Variants in RIMBP2 observed in about 807,000 individuals in gnomAD.
RIMBP2 encodes RIMS binding protein 2.
RIMBP2 carries 48 observed loss-of-function variants against 118.6 expected under a neutral mutation model. The observed-to-expected ratio is 0.40, with a 90% CI of 0.32 to 0.51. The LOEUF (loss-of-function observed/expected upper bound fraction) is 0.51. Ranked by LOEUF, RIMBP2 falls within the 20% of genes least tolerant of loss-of-function variation. RIMBP2 has a pLI of 0.41. For missense variants in RIMBP2, 1,551 were observed against 1,768.3 expected (o/e 0.88, Z 2.20); for synonymous variants, 762 against 742.9 (o/e 1.03, Z -0.42).
At chr12:130,536,892 G>C (rs10848140) in intron 2 of RIMBP2, among the ~76,000 whole-genome samples, 16,341 of 152,122 alleles carry the variant, frequency 0.11, 968 homozygotes, top group East Asian at 0.2. Flanking sequence ...GCATGATGGG[G>C]AGGACACTTC....
chr12:130,662,693 C>T lies in RIMBP2; in HGVS notation c.-351-34237G>A, dbSNP rs140433019. On this transcript the variant is annotated intron_variant, in intron 1 of 22. Coordinates refer to ENST00000690449, the MANE Select transcript of RIMBP2 (RefSeq NM_001393629.1). ...TGGATAGGCTGGGCACAGTAGCTCA[C>T]ACCTGTAATCCCAGCACTTTAAGAG... Among the ~76,000 whole-genome samples, 62 of 151,994 alleles carry T rather than the reference C, an allele frequency of 4.1e-4. 1 individual carries two copies. The East Asian group carries it at 0.012, about 29-fold the overall frequency.
At position 130,523,247 on chromosome 12, in the gene RIMBP2, C is replaced by T. The variant is rs767917080; in HGVS notation, c.-216-5330G>A. Among the ~76,000 whole-genome samples the T allele has an allele frequency of 2.0e-5, 3 of 152,192 alleles. No homozygotes were observed. The highest frequency in any genetic ancestry group is 4.4e-5 in the Non-Finnish European group (3 of 68,034). Reference sequence around the variant, plus strand: ...TCCATCTCTCTCTGTCCCCTACCCACTACCTGGCCGTGTGAGGACACAGTG... The same window carrying T: ...TCCATCTCTCTCTGTCCCCTACCCATTACCTGGCCGTGTGAGGACACAGTG... On this transcript the variant is annotated intron_variant, in intron 2 of 22. Coordinates refer to ENST00000690449, the MANE Select transcript of RIMBP2 (RefSeq NM_001393629.1). This position sits in a 1 kb window ranked among gnomAD's most constrained non-coding sequence, Gnocchi z 4.4.
chr12:130,691,903 C>G (rs996571099), intron 1 of RIMBP2, among the ~76,000 whole-genome samples: 4 of 152,042 alleles, frequency 2.6e-5, no homozygotes, highest in Non-Finnish European at 4.4e-5. Flanking sequence ...GTGGTTAGAG[C>G]GGGTCTGGAA....
chr12:130,576,296 A>C lies in RIMBP2; in HGVS notation c.-217+52026T>G, dbSNP rs2058081100. Among the ~76,000 whole-genome samples, 1 of 152,176 alleles carries C rather than the reference A, an allele frequency of 6.6e-6. No individual in the cohort carries two copies. The highest frequency in any genetic ancestry group is 1.5e-5 in the Non-Finnish European group (1 of 68,028). ...ACTACAAACAGGAACGGAGAGTTTC[A>C]TGACCATAGACATGGGCATTTGCTT... On this transcript the variant is annotated intron_variant, in intron 2 of 22. Transcript: ENST00000690449. This position sits in a 1 kb window ranked among gnomAD's most constrained non-coding sequence, Gnocchi z 4.2.
At chr12:130,642,319 T>C (rs1008268809) in intron 1 of RIMBP2, among the ~76,000 whole-genome samples, 3 of 152,098 alleles carry the variant, frequency 2.0e-5, no homozygotes, top group Non-Finnish European at 2.9e-5. Context: ...AGTTTTGCTC[T>C]CATCACCCAG....
chr12:130,506,724 G>T lies in RIMBP2; in HGVS notation c.-80C>A, dbSNP rs2050392852. 1 of 985,620 alleles carries T rather than the reference G, an allele frequency of 1.0e-6. No individual in the cohort carries two copies. Among genetic ancestry groups the T allele is most frequent in the Non-Finnish European group, 1.2e-6 (1 of 829,962 alleles). 61.1% of individuals were successfully genotyped at this position (985,620 alleles called of 1,614,324 possible). Reference sequence around the variant, plus strand: ...CTTCACGGCCAAATCGCGCTCTCTGGTCACGAGGGTGAGCGGATGGTTGAG... The same window carrying T: ...CTTCACGGCCAAATCGCGCTCTCTGTTCACGAGGGTGAGCGGATGGTTGAG... On this transcript the variant is annotated 5_prime_UTR_variant, in exon 4 of 23. Coordinates refer to ENST00000690449, the MANE Select transcript of RIMBP2 (RefSeq NM_001393629.1).
intron 2 of RIMBP2, among the ~76,000 whole-genome samples, chr12:130,557,666 C>T (rs1486149121): frequency 1.3e-5 from 2 of 152,212 alleles, no homozygotes; most frequent in Middle Eastern, 3.2e-3. Context: ...CACCGAGTTG[C>T]TGTAATTTAT....
chr12:130,531,325 C>A (rs556595078), intron 2 of RIMBP2, among the ~76,000 whole-genome samples: 7 of 152,322 alleles, frequency 4.6e-5, no homozygotes, highest in African/African-American at 1.7e-4. Context: ...AAACCTCTCC[C>A]CTGCCTCCTC....
intron 1 of RIMBP2, among the ~76,000 whole-genome samples, chr12:130,682,301 C>CTG (rs1262679650): frequency 6.6e-6 from 1 of 152,230 alleles, no homozygotes; most frequent in Admixed American, 6.5e-5. Context: ...GCTGGGGCCT[C>CTG]TGGGGCCCTG....
chr12:130,406,053 G>A (rs964240533), intron 21 of RIMBP2, 119 bp downstream of exon 21: 1 of 659,876 alleles, frequency 1.5e-6, no homozygotes. Context: ...AAAGCTATCA[G>A]CAGGCGTATG....
At chr12:130,403,129 C>T (rs1020370828) in intron 21 of RIMBP2, among the ~76,000 whole-genome samples, 1 of 152,066 alleles carries the variant, frequency 6.6e-6, no homozygotes, top group African/African-American at 2.4e-5. Flanking sequence ...TTCGCTCTCT[C>T]GAGATGTTTA....
At position 130,451,183 on chromosome 12, in the gene RIMBP2, G is replaced by T; in HGVS notation, c.504+12C>A. On this transcript the variant is annotated intron_variant, in intron 8 of 22. Coordinates refer to ENST00000690449, the MANE Select transcript of RIMBP2 (RefSeq NM_001393629.1). ...CAGGCAGCCCCGGCAGCCCCTGCGG[G>T]ACGGGACTCACGTCTGACTCAGATC... 6.2e-7 allele frequency: 1 copy of T among 1,612,144 alleles called. No homozygotes were observed. The highest frequency in any genetic ancestry group is 8.5e-7 in the Non-Finnish European group (1 of 1,178,834).
At chr12:130,606,251 G>A (rs2060179896) in intron 2 of RIMBP2, among the ~76,000 whole-genome samples, 1 of 152,192 alleles carries the variant, frequency 6.6e-6, no homozygotes, top group Non-Finnish European at 1.5e-5. Flanking sequence ...TTTCTTGTCT[G>A]TATGTTTCTG....
chr12:130,450,214 A>G lies in RIMBP2; in HGVS notation c.567T>C (p.Cys189=). 1 of 1,607,746 alleles carries G rather than the reference A, an allele frequency of 6.2e-7. No homozygotes were observed. Among genetic ancestry groups the G allele is most frequent in the Non-Finnish European group, 8.5e-7 (1 of 1,176,558 alleles). Residue 189 remains cysteine (C), a synonymous_variant, in exon 9 of 23, where the codon TGT becomes TGC. Coordinates refer to ENST00000690449, the MANE Select transcript of RIMBP2 (RefSeq NM_001393629.1). This position sits in a 1 kb window ranked among gnomAD's most constrained non-coding sequence, Gnocchi z 4.8. ...KQRYSGKVHL[C]VARYSYNPFD... ...GCCGCACTTACCTATAGCGGGCAAC[A>G]CAGAGGTGGACCTTCCCCGAGTATC...
chr12:130,671,734 C>A (rs2064206613), intron 1 of RIMBP2, among the ~76,000 whole-genome samples: 1 of 146,670 alleles, frequency 6.8e-6, no homozygotes, highest in South Asian at 2.2e-4. Flanking sequence ...CTGTGATAAC[C>A]AATAACTTCT....
chr12:130,414,263 C>T lies in RIMBP2; in HGVS notation c.3282G>A (p.Glu1094=), dbSNP rs764142444. The part of the protein sequence containing the change: ...RDRLSPDFYE[E]SETDPGAEEL... The stretch of plus-strand genomic sequence containing the variant: ...CTTCGGCACCAGGGTCAGTTTCTGA[C>T]TCTTCATAGAAGTCTGGAGAAAGGC... Residue 1094 remains glutamate (E), a synonymous_variant, in exon 18 of 23, where the codon GAG becomes GAA. Transcript: ENST00000690449. 7 of 1,612,496 alleles carry T rather than the reference C, an allele frequency of 4.3e-6. No homozygotes were observed. In the East Asian group the frequency reaches 1.3e-4, roughly 31 times the overall value.
intron 17 of RIMBP2, among the ~76,000 whole-genome samples, chr12:130,416,813 G>T (rs1402030907): frequency 3.3e-5 from 5 of 152,106 alleles, no homozygotes; most frequent in South Asian, 2.1e-4. Context: ...TTTGCAAATT[G>T]TGCATCTGAC....
Position 130,670,121 on chromosome 12 carries a change from G to A in RIMBP2, c.-351-41665C>T, listed in dbSNP as rs564637787. Among the ~76,000 whole-genome samples the A allele has an allele frequency of 1.2e-4, 19 of 152,116 alleles. No homozygotes were observed. Among genetic ancestry groups the A allele is most frequent in the African/African-American group, 1.7e-4 (7 of 41,498 alleles). On this transcript the variant is annotated intron_variant, in intron 1 of 22. Coordinates refer to ENST00000690449, the MANE Select transcript of RIMBP2 (RefSeq NM_001393629.1). The surrounding 1 kb of genome is among the most constrained non-coding windows in gnomAD (Gnocchi z 4.9). The stretch of plus-strand genomic sequence containing the variant: ...GAAGAGGAGAGGGTAATGTGACCCC[G>A]GGGGCAGACACTGGAGTGATGCTGC...
At chr12:130,534,181 A>AG (rs1491494391) in intron 2 of RIMBP2, among the ~76,000 whole-genome samples, 4 of 93,922 alleles carry the variant, frequency 4.3e-5, no homozygotes, top group East Asian at 4.9e-4. Flanking sequence ...AAAAAAAAAA[A>AG]AGAGAGAGAG....
Sources: allele counts gnomAD v4.1 joint callset (sites outside exome capture counted in the v4.1 genomes callset), GRCh38; gene constraint gnomAD v4.1.1; non-coding constraint Gnocchi (gnomAD v3.1); transcripts MANE v1.5; gene names NCBI Gene and HGNC (gene_info 2026-07-23, HGNC 2026-07-21).